The following DSCAM variants were observed in gnomAD, a reference collection of about 807,000 sequenced individuals.
The protein encoded by DSCAM is cell adhesion molecule DSCAM.
DSCAM carries 47 observed loss-of-function variants against 217.7 expected under a neutral mutation model. That is an observed-to-expected ratio of 0.22 (90% CI 0.17 to 0.28). The LOEUF (loss-of-function observed/expected upper bound fraction) is 0.28. Ranked by LOEUF, DSCAM falls within the 10% of genes least tolerant of loss-of-function variation. The pLI is 1.00. For missense variants in DSCAM, 2,080 were observed against 2,618.3 expected (o/e 0.79, Z 4.49); for synonymous variants, 1,056 against 1,015.3 (o/e 1.04, Z -0.76).
rs886986530 is a variant in DSCAM at position 40,721,911 on chromosome 21, A to C, written c.44-13140T>G. On this transcript the variant is annotated intron_variant, in intron 1 of 32. Transcript: ENST00000400454. ...AACATAAAGAAAAAAACTTAAAGGCAACCAGATTAAAAAATAAATACATGT... is the reference window on the plus strand; with the variant it reads ...AACATAAAGAAAAAAACTTAAAGGCCACCAGATTAAAAAATAAATACATGT... 2.6e-5 allele frequency among the ~76,000 whole-genome samples: 4 copies of C among 152,244 alleles called. No individual in the cohort carries two copies. In the South Asian group the frequency reaches 8.3e-4, roughly 32 times the overall value.
intron 2 of DSCAM, among the ~76,000 whole-genome samples, chr21:40,706,006 C>A (rs1269654376): frequency 2.6e-5 from 4 of 151,938 alleles, no homozygotes; most frequent in Non-Finnish European, 4.4e-5. Flanking sequence ...CGGTGAAACC[C>A]CATCTCTACT....
chr21:40,605,188 G>C (rs1212731500), intron 3 of DSCAM, among the ~76,000 whole-genome samples: 1 of 152,152 alleles, frequency 6.6e-6, no homozygotes, highest in African/African-American at 2.4e-5. Flanking sequence ...TTAGTCTCCA[G>C]CAATTCATTG....
At chr21:40,780,417 G>GTATATATATATA (rs1458358535) in intron 1 of DSCAM, among the ~76,000 whole-genome samples, 2 of 44,382 alleles carry the variant, frequency 4.5e-5, no homozygotes, top group East Asian at 9.5e-4. Context: ...GTGTGTGTGT[G>GTATATATATATA]TGTGTGTATA....
At chr21:40,632,244 T>C (rs1331524548) in intron 3 of DSCAM, among the ~76,000 whole-genome samples, 1 of 151,490 alleles carries the variant, frequency 6.6e-6, no homozygotes, top group Non-Finnish European at 1.5e-5. Flanking sequence ...AATCCAGCTA[T>C]TGTAGCCAAC....
intron 3 of DSCAM, among the ~76,000 whole-genome samples, chr21:40,489,230 G>A (rs368220053): frequency 2.0e-5 from 3 of 152,216 alleles, no homozygotes; most frequent in South Asian, 2.1e-4. Context: ...TCCCTAATGC[G>A]GGTGACCTCA....
chr21:40,497,744 T>C (rs1205677919), intron 3 of DSCAM, among the ~76,000 whole-genome samples: 1 of 152,246 alleles, frequency 6.6e-6, no homozygotes, highest in Non-Finnish European at 1.5e-5. Context: ...ATACATTTAT[T>C]TGTCAATATA....
In DSCAM at chr21:40,579,415, T is replaced by C. The variant is rs184059788; in HGVS notation, c.508+113395A>G. Among the ~76,000 whole-genome samples, 40 of 152,024 alleles carry C rather than the reference T, an allele frequency of 2.6e-4. No homozygotes were observed. In the East Asian group the frequency reaches 6.4e-3, roughly 24 times the overall value. ...AATATGAAAGAAAAGTTAGGAGATA[T>C]AGAGAAAAGAATGATAAATTCCAAT... is the stretch of plus-strand genomic sequence containing the variant. On this transcript the variant is annotated intron_variant, in intron 3 of 32. Transcript: ENST00000400454.
chr21:40,338,063 G>T, intron 8 of DSCAM, 38 bp downstream of exon 8: 1 of 1,604,160 alleles, frequency 6.2e-7, no homozygotes, highest in East Asian at 2.2e-5. Flanking sequence ...GTCGGGCTAT[G>T]GAATGAGTTG....
At chr21:40,113,795 C>G (rs1338616682) in intron 20 of DSCAM, among the ~76,000 whole-genome samples, 11 of 152,146 alleles carry the variant, frequency 7.2e-5, no homozygotes, top group East Asian at 5.8e-4. Flanking sequence ...CAAATCATGA[C>G]TGAACTCCCA....
intron 1 of DSCAM, among the ~76,000 whole-genome samples, chr21:40,784,193 C>G (rs2091572533): frequency 6.6e-6 from 1 of 152,026 alleles, no homozygotes; most frequent in South Asian, 2.1e-4. Context: ...GTAATAATCC[C>G]CATGTGTTAT....
chr21:40,793,077 A>T (rs1285463286), intron 1 of DSCAM, among the ~76,000 whole-genome samples: 2 of 152,142 alleles, frequency 1.3e-5, no homozygotes, highest in Non-Finnish European at 2.9e-5. Flanking sequence ...AATAGAAAGA[A>T]CTCATTTCTG....
At chr21:40,482,750 G>GT (rs1453865330) in intron 3 of DSCAM, among the ~76,000 whole-genome samples, 1 of 152,068 alleles carries the variant, frequency 6.6e-6, no homozygotes, top group African/African-American at 2.4e-5. Flanking sequence ...AGCCCCCTAT[G>GT]TTTTCTCCCA....
chr21:40,171,907 A>T (rs537194025), intron 15 of DSCAM, among the ~76,000 whole-genome samples: 6 of 152,344 alleles, frequency 3.9e-5, no homozygotes, highest in Admixed American at 3.9e-4. Context: ...AGGGTCAAAA[A>T]TTAGGTATAT....
intron 2 of DSCAM, among the ~76,000 whole-genome samples, chr21:40,705,990 C>T (rs1164453532): frequency 6.6e-6 from 1 of 152,036 alleles, no homozygotes; most frequent in East Asian, 1.9e-4. Flanking sequence ...ACCATCCTGG[C>T]TAACACGGTG....
intron 1 of DSCAM, among the ~76,000 whole-genome samples, chr21:40,750,168 T>TC (rs2091214204): frequency 6.6e-6 from 1 of 152,062 alleles, no homozygotes; most frequent in South Asian, 2.1e-4. Context: ...CCTGAGGTGA[T>TC]CCACCCATCT....
intron 1 of DSCAM, among the ~76,000 whole-genome samples, chr21:40,766,679 A>AAG (rs1374147661): frequency 8.2e-6 from 1 of 121,976 alleles, no homozygotes; most frequent in African/African-American, 3.4e-5. Flanking sequence ...CAAAAAAAAA[A>AAG]AAAAAAAAAC....
chr21:40,628,877 A>G (rs1364511992), intron 3 of DSCAM, among the ~76,000 whole-genome samples: 2 of 152,136 alleles, frequency 1.3e-5, no homozygotes, highest in Admixed American at 6.6e-5. Context: ...CCTACTGAGT[A>G]GCTGCAACTA....
intron 11 of DSCAM, among the ~76,000 whole-genome samples, chr21:40,201,512 G>C (rs2091069348): frequency 6.6e-6 from 1 of 152,062 alleles, no homozygotes; most frequent in African/African-American, 2.4e-5. Flanking sequence ...CATGATCTCA[G>C]CTCGCTGCAA....
chr21:40,131,785 G>A (rs1303703062), intron 19 of DSCAM, among the ~76,000 whole-genome samples: 1 of 152,110 alleles, frequency 6.6e-6, no homozygotes, highest in Non-Finnish European at 1.5e-5. Flanking sequence ...TCTTCCTTGG[G>A]GTAACTGGGG....
Sources: allele counts gnomAD v4.1 joint callset (sites outside exome capture counted in the v4.1 genomes callset), GRCh38; gene constraint gnomAD v4.1.1; transcripts MANE v1.5; gene names NCBI Gene and HGNC (gene_info 2026-07-23, HGNC 2026-07-21).